Variants in RAB28 observed in about 807,000 individuals in gnomAD.
RAB28 encodes RAB28, member RAS oncogene family, also known as ras-related protein Rab-28.
In RAB28, 24 loss-of-function variants were observed where a neutral mutation model predicts 31.7. The observed-to-expected ratio is 0.76, with a 90% CI of 0.55 to 1.06. The LOEUF is 1.06. RAB28 is among the 50% of genes least tolerant of loss of function. RAB28 has a pLI of 0.00. For synonymous variants in RAB28, 100 were observed against 90.4 expected (o/e 1.11, Z -0.60); for missense variants, 254 against 258.5 (o/e 0.98, Z 0.12).
intron 4 of RAB28, among the ~76,000 whole-genome samples, chr4:13,420,722 A>C (rs1336505734): frequency 2.0e-5 from 3 of 152,228 alleles, no homozygotes; most frequent in African/African-American, 4.8e-5. Context: ...GATGCTAAAA[A>C]CTTTCAATGA....
At chr4:13,466,436 G>C (rs1303220575) in intron 3 of RAB28, among the ~76,000 whole-genome samples, 3 of 149,602 alleles carry the variant, frequency 2.0e-5, no homozygotes, top group Non-Finnish European at 4.4e-5. Context: ...ATGGCTAACA[G>C]ATATATTTTT....
intron 1 of RAB28, among the ~76,000 whole-genome samples, chr4:13,481,402 C>T (rs1716598932): frequency 6.6e-6 from 1 of 152,024 alleles, no homozygotes; most frequent in Non-Finnish European, 1.5e-5. Context: ...ATCTAGACTG[C>T]ATGCTATCTT....
At chr4:13,401,723 T>C (rs944405984) in intron 4 of RAB28, among the ~76,000 whole-genome samples, 7 of 152,178 alleles carry the variant, frequency 4.6e-5, no homozygotes, top group African/African-American at 1.7e-4. Context: ...GATTTATCAG[T>C]TTTATTAATC....
rs183012440 is a variant in RAB28 at position 13,412,334 on chromosome 4, T to A, written c.392-30740A>T. ...GCTCAGATTGCTAGTAAGCAATCTG[T>A]TCATATATTCAGGAGAGCTGGGGGT... On this transcript the variant is annotated intron_variant, in intron 4 of 6. Coordinates refer to ENST00000330852, the MANE Select transcript of RAB28 (RefSeq NM_001017979.3). Among the ~76,000 whole-genome samples, 465 of 152,092 alleles carry A rather than the reference T, an allele frequency of 3.1e-3. 6 individuals are homozygous for A. Among genetic ancestry groups the A allele is most frequent in the Non-Finnish European group, 2.7e-3 (185 of 67,998 alleles).
intron 4 of RAB28, among the ~76,000 whole-genome samples, chr4:13,419,757 T>C (rs191350782): frequency 5.9e-5 from 9 of 152,188 alleles, no homozygotes. Context: ...AAGCAGTGTG[T>C]AGAGGGAAAT....
chr4:13,424,046 T>C lies in RAB28; in HGVS notation c.391+36653A>G, dbSNP rs576944362. On this transcript the variant is annotated intron_variant, in intron 4 of 6. Coordinates refer to ENST00000330852, the MANE Select transcript of RAB28 (RefSeq NM_001017979.3). ...TTAAAAATAGGCTAAAAACATTCTATTCATCGGCCAATAAAAATGTCAAGG... is the reference window on the plus strand; with the variant it reads ...TTAAAAATAGGCTAAAAACATTCTACTCATCGGCCAATAAAAATGTCAAGG... 4.9e-4 allele frequency among the ~76,000 whole-genome samples: 75 copies of C among 152,288 alleles called. 1 individual carries two copies. Among genetic ancestry groups the C allele is most frequent in the South Asian group, 3.5e-3 (17 of 4,824 alleles).
At position 13,426,391 on chromosome 4, in the gene RAB28, T is replaced by C. The variant is rs1170030119; in HGVS notation, c.391+34308A>G. Among the ~76,000 whole-genome samples the C allele has an allele frequency of 2.0e-5, 3 of 152,048 alleles. No homozygotes were observed. In the East Asian group the frequency reaches 5.8e-4, roughly 29 times the overall value. On this transcript the variant is annotated intron_variant, in intron 4 of 6. Coordinates refer to ENST00000330852, the MANE Select transcript of RAB28 (RefSeq NM_001017979.3). ...ACCATGAAGGGACAACTTGAAACAA[T>C]GAGAATTACGAAGAAAAAAAAATAG...
At chr4:13,371,146 A>G in intron 6 of RAB28, 1 of 985,380 alleles carries the variant, frequency 1.0e-6, no homozygotes, top group Middle Eastern at 5.2e-4. Context: ...TAGGATGCTG[A>G]GGCATACGAA....
chr4:13,429,309 G>C (rs1052433534), intron 4 of RAB28, among the ~76,000 whole-genome samples: 3 of 151,974 alleles, frequency 2.0e-5, no homozygotes, highest in African/African-American at 4.8e-5. Context: ...AAATTAAAAG[G>C]CATCCATATT....
intron 4 of RAB28, among the ~76,000 whole-genome samples, chr4:13,392,777 T>G (rs746574544): frequency 3.9e-5 from 6 of 152,190 alleles, no homozygotes; most frequent in Non-Finnish European, 8.8e-5. Context: ...GATAAGTATG[T>G]GAGGAAATAA....
chr4:13,416,398 G>T (rs865925311), intron 4 of RAB28, among the ~76,000 whole-genome samples: 26 of 152,118 alleles, frequency 1.7e-4, no homozygotes, highest in Non-Finnish European at 3.1e-4. Flanking sequence ...CAGACACGCC[G>T]CCTTTAAGAA....
At chr4:13,454,499 T>A (rs754038157) in intron 4 of RAB28, among the ~76,000 whole-genome samples, 1 of 152,188 alleles carries the variant, frequency 6.6e-6, no homozygotes, top group Non-Finnish European at 1.5e-5. Flanking sequence ...GACTTACTCA[T>A]ATAGATGGGC....
chr4:13,464,914 A>G (rs1715770412), intron 3 of RAB28, among the ~76,000 whole-genome samples: 1 of 152,076 alleles, frequency 6.6e-6, no homozygotes, highest in African/African-American at 2.4e-5. Context: ...GAGGGTTCTA[A>G]AGGAAAAAGA....
chr4:13,437,897 A>G (rs1013537239), intron 4 of RAB28, among the ~76,000 whole-genome samples: 1 of 152,206 alleles, frequency 6.6e-6, no homozygotes, highest in Non-Finnish European at 1.5e-5. Flanking sequence ...CTGCATTCTT[A>G]TGTTTATCAC....
At chr4:13,399,320 T>C (rs1239920308) in intron 4 of RAB28, among the ~76,000 whole-genome samples, 1 of 152,246 alleles carries the variant, frequency 6.6e-6, no homozygotes, top group Non-Finnish European at 1.5e-5. Flanking sequence ...TTTTTATAAG[T>C]CTACCACAAT....
At chr4:13,394,824 G>A (rs937314388) in intron 4 of RAB28, among the ~76,000 whole-genome samples, 3 of 152,048 alleles carry the variant, frequency 2.0e-5, no homozygotes, top group African/African-American at 7.2e-5. Flanking sequence ...GAGGAGAAAC[G>A]ATGTCTGAGG....
intron 3 of RAB28, among the ~76,000 whole-genome samples, chr4:13,467,073 TAAA>T (rs1270808388): frequency 4.1e-4 from 62 of 151,968 alleles, no homozygotes; most frequent in African/African-American, 1.4e-3. Context: ...TCAGGAGATA[TAAA>T]GATTTTTTTT....
chr4:13,434,172 G>T (rs1433852723), intron 4 of RAB28, among the ~76,000 whole-genome samples: 1 of 152,174 alleles, frequency 6.6e-6, no homozygotes, highest in Non-Finnish European at 1.5e-5. Flanking sequence ...AGAGGAGACA[G>T]ATGGAGTGGG....
chr4:13,397,377 C>T (rs187517685), intron 4 of RAB28, among the ~76,000 whole-genome samples: 47 of 152,180 alleles, frequency 3.1e-4, no homozygotes, highest in Admixed American at 2.6e-3. Flanking sequence ...GATAAAGGCA[C>T]CTGTTTGGTT....
Sources: allele counts gnomAD v4.1 joint callset (sites outside exome capture counted in the v4.1 genomes callset), GRCh38; gene constraint gnomAD v4.1.1; transcripts MANE v1.5; gene names NCBI Gene and HGNC (gene_info 2026-07-23, HGNC 2026-07-21).